The following TAFA1 variants were observed in gnomAD, a reference collection of about 807,000 sequenced individuals.
The protein encoded by TAFA1 is TAFA chemokine like family member 1.
A neutral mutation model predicts 18.5 loss-of-function variants in TAFA1; 4 were observed. The observed-to-expected ratio is 0.22, with a 90% CI of 0.11 to 0.49. The LOEUF (loss-of-function observed/expected upper bound fraction) is 0.49, where lower values mean the gene tolerates loss of function less well. Among genes scored for constraint, TAFA1 ranks in the 20% least tolerant of loss-of-function variants. The pLI is 0.98. For missense variants in TAFA1, 147 were observed against 169.0 expected, an observed-to-expected ratio of 0.87 and a Z score of 0.72; for synonymous variants, 56 against 55.2, an observed-to-expected ratio of 1.01 and a Z score of -0.06.
At chr3:68,267,705 A>T (rs1388485) in intron 2 of TAFA1, among the ~76,000 whole-genome samples, 57,670 of 151,954 alleles carry the variant, frequency 0.38, 11,927 homozygotes, top group East Asian at 0.87. Context: ...GGGAATGAAA[A>T]GATATAAGCC....
intron 2 of TAFA1, among the ~76,000 whole-genome samples, chr3:68,396,417 C>A (rs950379159): frequency 6.6e-6 from 1 of 152,144 alleles, no homozygotes; most frequent in African/African-American, 2.4e-5. Context: ...ACTGTCCCAA[C>A]TTCTAGCACT....
intron 2 of TAFA1, among the ~76,000 whole-genome samples, chr3:68,210,085 T>A (rs2066577105): frequency 6.6e-6 from 1 of 151,936 alleles, no homozygotes; most frequent in Non-Finnish European, 1.5e-5. Context: ...GAGAAAATAA[T>A]TGGAACTGTC....
At chr3:68,382,641 A>G (rs1347630953) in intron 2 of TAFA1, among the ~76,000 whole-genome samples, 3 of 152,114 alleles carry the variant, frequency 2.0e-5, no homozygotes, top group African/African-American at 4.8e-5. Context: ...GAAGTCAGGT[A>G]GCGTGATGCC....
intron 2 of TAFA1, among the ~76,000 whole-genome samples, chr3:68,061,047 A>G (rs1182151647): frequency 6.6e-6 from 1 of 152,024 alleles, no homozygotes; most frequent in Non-Finnish European, 1.5e-5. Flanking sequence ...TCTCTTTCTC[A>G]GCTTTGTTTG....
chr3:68,036,771 A>G (rs1476847960), intron 2 of TAFA1, among the ~76,000 whole-genome samples: 1 of 152,140 alleles, frequency 6.6e-6, no homozygotes, highest in Non-Finnish European at 1.5e-5. Flanking sequence ...ACTTTCTAAT[A>G]AATATTACAG....
intron 3 of TAFA1, among the ~76,000 whole-genome samples, chr3:68,453,338 C>T (rs1260563003): frequency 6.6e-6 from 1 of 152,080 alleles, no homozygotes; most frequent in Non-Finnish European, 1.5e-5. Flanking sequence ...TCCAAAATGA[C>T]AAAAATGGTG....
intron 2 of TAFA1, among the ~76,000 whole-genome samples, chr3:68,280,202 G>A (rs553649792): frequency 6.6e-6 from 1 of 152,216 alleles, no homozygotes; most frequent in East Asian, 1.9e-4. Flanking sequence ...TTTTAAAAGG[G>A]GGAACTGAGA....
chr3:68,324,069 C>T (rs143624795), intron 2 of TAFA1, among the ~76,000 whole-genome samples: 1 of 152,124 alleles, frequency 6.6e-6, no homozygotes, highest in Admixed American at 6.6e-5. Context: ...TATATGCTTT[C>T]GATTTTCCAA....
chr3:68,465,855 T>C (rs1202988495), intron 3 of TAFA1, among the ~76,000 whole-genome samples: 3 of 152,028 alleles, frequency 2.0e-5, no homozygotes, highest in Non-Finnish European at 2.9e-5. Flanking sequence ...CAACAAAAAC[T>C]TGGGGAATAA....
chr3:68,485,079 G>A (rs2072311740), intron 3 of TAFA1, among the ~76,000 whole-genome samples: 4 of 152,168 alleles, frequency 2.6e-5, no homozygotes, highest in South Asian at 2.1e-4. Flanking sequence ...ACACAAAGTA[G>A]CAATGAAAAG....
At chr3:68,178,931 AG>A (rs1269340664) in intron 2 of TAFA1, among the ~76,000 whole-genome samples, 3 of 152,218 alleles carry the variant, frequency 2.0e-5, no homozygotes, top group Non-Finnish European at 4.4e-5. Flanking sequence ...TATGGATCAA[AG>A]GGGAAATCCC....
At chr3:68,120,173 CTTTCTTTCTT>C (rs2065374193) in intron 2 of TAFA1, among the ~76,000 whole-genome samples, 1 of 16,458 alleles carries the variant, frequency 6.1e-5, no homozygotes, top group East Asian at 1.7e-3. Context: ...CTTTCTTTCT[CTTTCTTTCTT>C]TCTTTCTTTC....
At position 68,006,234 on chromosome 3, in the gene TAFA1, T is replaced by C. The variant is rs376895572; in HGVS notation, c.-3-390T>C. On this transcript the variant is annotated intron_variant, in intron 1 of 4. Transcript: ENST00000478136. ...CTTTCCTTCCAGGCTTATGTCAGACTTGCAATGAAGTTAGAATGAACAGGA... is the reference window on the plus strand; with the variant it reads ...CTTTCCTTCCAGGCTTATGTCAGACCTGCAATGAAGTTAGAATGAACAGGA... The C allele has an allele frequency of 2.4e-5, 4 of 165,040 alleles. No individual in the cohort carries two copies. In the South Asian group the frequency reaches 5.1e-4, roughly 21 times the overall value. The allele number at this position is 165,040 out of a possible 1,614,324, so 10.2% of individuals were successfully genotyped here.
chr3:68,495,924 C>A (rs1313586633), intron 3 of TAFA1, among the ~76,000 whole-genome samples: 1 of 143,534 alleles, frequency 7.0e-6, no homozygotes, highest in African/African-American at 2.6e-5. Context: ...CTTTGAAGTG[C>A]TTCTGTTTAT....
chr3:68,049,420 T>G (rs1227074845), intron 2 of TAFA1, among the ~76,000 whole-genome samples: 1 of 151,936 alleles, frequency 6.6e-6, no homozygotes, highest in African/African-American at 2.4e-5. Flanking sequence ...ATCAATCAAG[T>G]GTGTGGGTTT....
intron 2 of TAFA1, among the ~76,000 whole-genome samples, chr3:68,180,784 T>C (rs1205315247): frequency 6.6e-6 from 1 of 152,142 alleles, no homozygotes; most frequent in Non-Finnish European, 1.5e-5. Context: ...ATACGACCCC[T>C]GATGATCCTC....
At chr3:68,498,123 C>G (rs1280871619) in intron 3 of TAFA1, among the ~76,000 whole-genome samples, 1 of 152,164 alleles carries the variant, frequency 6.6e-6, no homozygotes, top group East Asian at 1.9e-4. Flanking sequence ...TTGATCCTAG[C>G]TGGGCAATTA....
intron 2 of TAFA1, among the ~76,000 whole-genome samples, chr3:68,312,130 G>T (rs964389793): frequency 1.3e-5 from 2 of 152,202 alleles, no homozygotes; most frequent in Admixed American, 1.3e-4. Flanking sequence ...GTGATGCACG[G>T]CATCAAGTCC....
intron 1 of TAFA1, 49 bp from the exon 2 acceptor site, chr3:68,006,575 T>TG: frequency 7.9e-7 from 1 of 1,260,986 alleles, no homozygotes; most frequent in South Asian, 1.2e-5. Flanking sequence ...CTGACTGAGC[T>TG]GGGGGCTTGA....
Sources: allele counts gnomAD v4.1 joint callset (sites outside exome capture counted in the v4.1 genomes callset), GRCh38; gene constraint gnomAD v4.1.1; transcripts MANE v1.5; gene names NCBI Gene and HGNC (gene_info 2026-07-23, HGNC 2026-07-21).